ARHGAP42: variants seen among roughly 807,000 people sequenced by gnomAD.
The protein encoded by ARHGAP42 is Rho GTPase activating protein 42.
A neutral mutation model predicts 125.0 loss-of-function variants in ARHGAP42; 63 were observed. The observed-to-expected ratio is 0.50, with a 90% CI of 0.41 to 0.62. The LOEUF is 0.62. Among genes scored for constraint, ARHGAP42 ranks in the 20% least tolerant of loss-of-function variants. ARHGAP42 has a pLI of 0.00. For missense variants in ARHGAP42, 766 were observed against 1,024.2 expected (o/e 0.75, Z 3.44); for synonymous variants, 339 against 351.0 (o/e 0.97, Z 0.38).
intron 1 of ARHGAP42, among the ~76,000 whole-genome samples, chr11:100,718,028 A>G: frequency 6.6e-6 from 1 of 152,222 alleles, no homozygotes; most frequent in Non-Finnish European, 1.5e-5. Flanking sequence ...TGAGGATACA[A>G]TATCAGATTT....
chr11:100,698,822 G>A (rs1033049522), intron 1 of ARHGAP42, among the ~76,000 whole-genome samples: 1 of 152,080 alleles, frequency 6.6e-6, no homozygotes, highest in Non-Finnish European at 1.5e-5. Context: ...CACTGTTTGC[G>A]GGAGATTTGG....
intron 4 of ARHGAP42, among the ~76,000 whole-genome samples, chr11:100,862,409 G>A (rs1865465285): frequency 6.7e-6 from 1 of 149,638 alleles, no homozygotes; most frequent in Admixed American, 6.6e-5. Flanking sequence ...AGTTTCATCT[G>A]TTTGGGAAAT....
intron 1 of ARHGAP42, among the ~76,000 whole-genome samples, chr11:100,693,039 G>A (rs1331430131): frequency 6.6e-6 from 1 of 152,156 alleles, no homozygotes; most frequent in East Asian, 1.9e-4. Flanking sequence ...GGGGAAAAAG[G>A]CAAGTTTACA....
chr11:100,752,090 CT>C (rs1037503688), intron 1 of ARHGAP42, among the ~76,000 whole-genome samples: 2 of 152,026 alleles, frequency 1.3e-5, no homozygotes, highest in African/African-American at 4.8e-5. Flanking sequence ...CAACAGGTAC[CT>C]TTTTTTCATC....
intron 4 of ARHGAP42, among the ~76,000 whole-genome samples, chr11:100,864,751 CT>C (rs1865527636): frequency 6.6e-6 from 1 of 152,080 alleles, no homozygotes; most frequent in African/African-American, 2.4e-5. Flanking sequence ...TTTTCTTTAC[CT>C]TTAACAAATA....
intron 2 of ARHGAP42, among the ~76,000 whole-genome samples, chr11:100,783,644 C>T (rs899458798): frequency 6.6e-6 from 1 of 152,158 alleles, no homozygotes; most frequent in African/African-American, 2.4e-5. Flanking sequence ...CCACTTTGTC[C>T]TTCACAGCCT....
chr11:100,974,630 G>A (rs772372630), intron 19 of ARHGAP42, 27 bp downstream of exon 19: 1 of 1,527,242 alleles, frequency 6.5e-7, no homozygotes, highest in South Asian at 1.2e-5. Flanking sequence ...TTAGGGAGAT[G>A]CTTTCTTCAT....
At chr11:100,808,375 G>C (rs1358501498) in intron 3 of ARHGAP42, among the ~76,000 whole-genome samples, 1 of 151,166 alleles carries the variant, frequency 6.6e-6, no homozygotes, top group Non-Finnish European at 1.5e-5. Flanking sequence ...AACTTTTTTT[G>C]GGATAATTAT....
chr11:100,719,292 A>G (rs2120263754), intron 1 of ARHGAP42, among the ~76,000 whole-genome samples: 1 of 152,308 alleles, frequency 6.6e-6, no homozygotes, highest in South Asian at 2.1e-4. Flanking sequence ...ATAACTTTCA[A>G]GTTAGGTGAG....
chr11:100,931,939 A>T (rs1159082677), intron 6 of ARHGAP42, among the ~76,000 whole-genome samples: 2 of 152,234 alleles, frequency 1.3e-5, no homozygotes, highest in Non-Finnish European at 2.9e-5. Context: ...TAAAACTGAC[A>T]GTGTAAAATA....
In ARHGAP42 at chr11:100,898,949, G is replaced by T. The variant is rs554429047; in HGVS notation, c.385-14503G>T. Among the ~76,000 whole-genome samples, 1,189 of 151,996 alleles carry T rather than the reference G, an allele frequency of 7.8e-3. 19 individuals carry two copies. The highest frequency in any genetic ancestry group is 0.027 in the African/African-American group (1,129 of 41,468). ...TTGTGATGTTAGGGTGTCGATTTTTGATCTTTCCTGCTTTGTCTTGTGGGC... is the reference window on the plus strand; with the variant it reads ...TTGTGATGTTAGGGTGTCGATTTTTTATCTTTCCTGCTTTGTCTTGTGGGC... On this transcript the variant is annotated intron_variant, in intron 4 of 23. Transcript: ENST00000298815.
At chr11:100,987,747 C>G (rs1303598366) in intron 23 of ARHGAP42, among the ~76,000 whole-genome samples, 155 bp downstream of exon 23, 1 of 151,970 alleles carries the variant, frequency 6.6e-6, no homozygotes, top group African/African-American at 2.4e-5. Context: ...TCAAATCCCT[C>G]TGGGTGGCAT....
intron 6 of ARHGAP42, 91 bp downstream of exon 6, chr11:100,921,695 GA>G (rs1373312481): frequency 1.4e-5 from 11 of 789,340 alleles, no homozygotes; most frequent in Non-Finnish European, 2.1e-5. Flanking sequence ...AATTTTTCTT[GA>G]AAATTATGAT....
rs763212021 is a variant in ARHGAP42, at chr11:100,992,621, G to A, written c.*3820G>A. Reference sequence around the variant, plus strand: ...GAACACATTCACTGTATCCCTCATTGTCACCGTTATCCCCCTGCTTCAAAA... The same window carrying A: ...GAACACATTCACTGTATCCCTCATTATCACCGTTATCCCCCTGCTTCAAAA... On this transcript the variant is annotated 3_prime_UTR_variant, in exon 24 of 24. Transcript: ENST00000298815. 1 of 1,613,864 alleles carries A rather than the reference G, an allele frequency of 6.2e-7. No homozygotes were observed.
Position 100,948,477 on chromosome 11 carries a change from A to G in ARHGAP42, c.1064A>G (p.Gln355Arg). The G allele has an allele frequency of 6.5e-7, 1 of 1,549,712 alleles. No homozygotes were observed. The highest frequency in any genetic ancestry group is 8.7e-7 in the Non-Finnish European group (1 of 1,145,686). The change falls in exon 11 of 24, where the codon CAG (glutamine) becomes CGG (arginine). Residue 355 changes from glutamine (Q) to arginine (R), a missense_variant. Gln to Arg is a conservative substitution (Grantham distance 43). Around this residue, in one of 3 missense-constraint regions of ARHGAP42, gnomAD observed 455 missense variants for 636.5 expected, o/e 0.71. Coordinates refer to ENST00000298815, the MANE Select transcript of ARHGAP42 (RefSeq NM_152432.4). ...AATAGGCATGGGATCATCACGTTAC[A>G]GGCCTTCTCAGAAGCTAATAGGAAA... ...VVERHGIITLQAFSEANRKLW... is the reference protein window; with the variant it reads ...VVERHGIITLRAFSEANRKLW...
At chr11:100,800,211 T>C (rs1863818353) in intron 3 of ARHGAP42, among the ~76,000 whole-genome samples, 1 of 152,148 alleles carries the variant, frequency 6.6e-6, no homozygotes, top group African/African-American at 2.4e-5. Flanking sequence ...TAAGGAGACA[T>C]GGATTTGTAT....
At chr11:100,822,574 G>T (rs1418684235) in intron 3 of ARHGAP42, among the ~76,000 whole-genome samples, 1 of 152,080 alleles carries the variant, frequency 6.6e-6, no homozygotes, top group Non-Finnish European at 1.5e-5. Flanking sequence ...CTCAGCCATG[G>T]TGGGGATGAT....
chr11:100,909,406 C>T (rs147767709), intron 4 of ARHGAP42, among the ~76,000 whole-genome samples: 2,067 of 145,944 alleles, frequency 0.014, 49 homozygotes, highest in African/African-American at 0.05. Flanking sequence ...AGTGCAGTGG[C>T]GCGATCTTGG....
chr11:100,839,251 A>T (rs774418866), intron 3 of ARHGAP42, among the ~76,000 whole-genome samples: 1 of 152,204 alleles, frequency 6.6e-6, no homozygotes, highest in Non-Finnish European at 1.5e-5. Flanking sequence ...AATCTGTCTC[A>T]TGAAGATTTT....
Sources: gnomAD v4.1 joint callset for allele counts (sites outside exome capture counted in the v4.1 genomes callset) on GRCh38, gnomAD v4.1.1 for gene constraint, gnomAD v4.1.1 regional missense constraint, MANE v1.5 for transcripts, NCBI Gene and HGNC (gene_info 2026-07-23, HGNC 2026-07-21) for gene names.